The following KALRN variants were observed in gnomAD, a reference collection of about 807,000 sequenced individuals.
KALRN encodes the protein kalirin RhoGEF kinase.
Under a neutral mutation model 353.7 loss-of-function variants are expected in KALRN, and 70 were observed. That is an observed-to-expected ratio of 0.20 (90% CI 0.16 to 0.24). The LOEUF is 0.24. Among genes scored for constraint, KALRN ranks in the 10% least tolerant of loss-of-function variants. The pLI, the probability that KALRN is intolerant of heterozygous loss-of-function variation, is 1.00. For synonymous variants in KALRN, 1,391 were observed against 1,434.8 expected (o/e 0.97, Z 0.69); for missense variants, 2,791 against 3,756.7 (o/e 0.74, Z 6.72).
At chr3:124,710,615 T>C (rs1311149439) in intron 57 of KALRN, among the ~76,000 whole-genome samples, 1 of 152,124 alleles carries the variant, frequency 6.6e-6, no homozygotes, top group African/African-American at 2.4e-5. Flanking sequence ...GGCAAAATCC[T>C]GTCTCTACAA....
At chr3:124,284,784 C>G in intron 5 of KALRN, among the ~76,000 whole-genome samples, 1 of 152,140 alleles carries the variant, frequency 6.6e-6, no homozygotes, top group East Asian at 1.9e-4. Flanking sequence ...GTAAAATTTG[C>G]TTAAATATCA....
intron 31 of KALRN, among the ~76,000 whole-genome samples, chr3:124,492,457 G>A (rs1000298184): frequency 1.3e-5 from 2 of 152,276 alleles, no homozygotes. Context: ...CACCTCCAGG[G>A]CAGATATCAG....
chr3:124,138,766 G>A (rs1373951959), intron 1 of KALRN, among the ~76,000 whole-genome samples: 1 of 152,194 alleles, frequency 6.6e-6, no homozygotes, highest in African/African-American at 2.4e-5. Flanking sequence ...AAGGGACATG[G>A]TGAGTACAGA....
intron 33 of KALRN, among the ~76,000 whole-genome samples, chr3:124,531,595 G>T (rs1459930751): frequency 1.3e-5 from 2 of 152,158 alleles, no homozygotes; most frequent in Non-Finnish European, 2.9e-5. Flanking sequence ...CTTCTAGGGA[G>T]GCCTCAGGAA....
At chr3:124,556,755 T>C (rs1302213928) in intron 33 of KALRN, among the ~76,000 whole-genome samples, 1 of 152,238 alleles carries the variant, frequency 6.6e-6, no homozygotes, top group African/African-American at 2.4e-5. Flanking sequence ...GCAGCACTTA[T>C]GTGAGAAACA....
chr3:124,294,361 T>TTA (rs1466364243), intron 5 of KALRN, among the ~76,000 whole-genome samples: 1 of 151,934 alleles, frequency 6.6e-6, no homozygotes, highest in Non-Finnish European at 1.5e-5. Flanking sequence ...ACCCTGGACT[T>TTA]TACTTCCCTG....
At chr3:124,605,080 T>C (rs62267604) in intron 34 of KALRN, among the ~76,000 whole-genome samples, 2,733 of 152,028 alleles carry the variant, frequency 0.018, 39 homozygotes, top group Middle Eastern at 0.027. Flanking sequence ...GGAAGATCAC[T>C]TGAGCCCAGG....
chr3:124,537,722 C>T (rs959692676), intron 33 of KALRN, among the ~76,000 whole-genome samples: 11 of 152,134 alleles, frequency 7.2e-5, no homozygotes, highest in Admixed American at 1.3e-4. Context: ...TGAGATTTGG[C>T]GTGCAGGATC....
intron 33 of KALRN, chr3:124,518,953 A>T (rs2066929603): frequency 3.0e-6 from 3 of 990,908 alleles, no homozygotes; most frequent in Non-Finnish European, 3.6e-6. Flanking sequence ...GTATCCCCAC[A>T]TCATGAGAAA....
rs58225826 is a variant in KALRN at position 124,613,781 on chromosome 3, A to C, written c.5183-18639A>C. Among the ~76,000 whole-genome samples the C allele has an allele frequency of 9.9e-3, 1,502 of 152,248 alleles. 30 individuals are homozygous for C. The highest frequency in any genetic ancestry group is 0.034 in the African/African-American group (1,410 of 41,528). On this transcript the variant is annotated intron_variant, in intron 34 of 59. Coordinates refer to ENST00000682506, the MANE Select transcript of KALRN (RefSeq NM_001388419.1). Reference sequence around the variant, plus strand: ...CCTTTAATGTTGTTAAATTTGATTCATGAGACTGGAAGTGCCTCACTGTCT... The same window carrying C: ...CCTTTAATGTTGTTAAATTTGATTCCTGAGACTGGAAGTGCCTCACTGTCT...
chr3:124,034,531 C>T (rs936990552), intron 1 of KALRN, among the ~76,000 whole-genome samples: 8 of 152,056 alleles, frequency 5.3e-5, no homozygotes, highest in Non-Finnish European at 1.2e-4. Context: ...TAAGTCTCTG[C>T]TTGCTGTGAG....
rs764276458 is a variant in KALRN, at chr3:124,633,637, GTGT to G, written c.5467-214_5467-212del. 4.7e-5 allele frequency among the ~76,000 whole-genome samples: 3 copies of G among 63,466 alleles called. 1 individual carries two copies. Among genetic ancestry groups the G allele is most frequent in the African/African-American group, 1.9e-4 (1 of 5,240 alleles). The allele number at this position is 63,466 out of a possible 152,430, so 41.6% of individuals were successfully genotyped here. On this transcript the variant is annotated intron_variant, in intron 35 of 59. Transcript: ENST00000682506. ...TTTCTGGTTTTGCTTCTTTTTGGGG[GTGT>G]GTGTGTGTGTGTGTGTGTTCCCCAC...
At chr3:124,152,769 G>C in intron 1 of KALRN, 1 of 342,110 alleles carries the variant, frequency 2.9e-6, no homozygotes, top group Non-Finnish European at 5.2e-6. Context: ...AATTTTTGTA[G>C]TTTTTGTTTG....
intron 33 of KALRN, among the ~76,000 whole-genome samples, chr3:124,528,220 C>G (rs1176893322): frequency 1.3e-5 from 2 of 152,148 alleles, no homozygotes; most frequent in Non-Finnish European, 2.9e-5. Flanking sequence ...AGTACAAGGA[C>G]AGAGAAAGTC....
At position 124,687,543 on chromosome 3, in the gene KALRN, G is replaced by C. The variant is rs1215255539; in HGVS notation, c.7378-6261G>C. On this transcript the variant is annotated intron_variant, in intron 51 of 59. Coordinates refer to ENST00000682506, the MANE Select transcript of KALRN (RefSeq NM_001388419.1). ...AAATGTTCTCTAACCAAAATATTGA[G>C]GGGTAAAGGGGGATATTTGGACTAG... Among the ~76,000 whole-genome samples the C allele has an allele frequency of 1.3e-5, 2 of 151,898 alleles. 1 individual carries two copies. Among genetic ancestry groups the C allele is most frequent in the African/African-American group, 4.8e-5 (2 of 41,390 alleles).
chr3:124,372,704 G>A (rs1320776771), intron 10 of KALRN, among the ~76,000 whole-genome samples: 1 of 152,096 alleles, frequency 6.6e-6, no homozygotes, highest in Admixed American at 6.5e-5. Flanking sequence ...TGTTATCACA[G>A]TGTAGTGAAC....
chr3:124,205,650 C>T (rs1303655896), intron 1 of KALRN, among the ~76,000 whole-genome samples: 2 of 152,130 alleles, frequency 1.3e-5, no homozygotes, highest in African/African-American at 2.4e-5. Flanking sequence ...TTAATGGAAA[C>T]ACCTACTGGA....
At chr3:124,409,931 A>G (rs2091981865) in intron 13 of KALRN, among the ~76,000 whole-genome samples, 1 of 152,084 alleles carries the variant, frequency 6.6e-6, no homozygotes, top group Non-Finnish European at 1.5e-5. Flanking sequence ...CAGAAAGAGG[A>G]GAGAGCCTGC....
intron 37 of KALRN, among the ~76,000 whole-genome samples, chr3:124,641,248 A>G (rs2082014871): frequency 6.6e-6 from 1 of 152,192 alleles, no homozygotes; most frequent in Non-Finnish European, 1.5e-5. Context: ...CCTTCTGGAC[A>G]TTAATGGGCC....
Sources: allele counts gnomAD v4.1 joint callset (sites outside exome capture counted in the v4.1 genomes callset), GRCh38; gene constraint gnomAD v4.1.1; transcripts MANE v1.5; gene names NCBI Gene and HGNC (gene_info 2026-07-23, HGNC 2026-07-21).